The following RIPOR2 variants were observed in gnomAD, a reference collection of about 807,000 sequenced individuals.
RIPOR2 encodes the protein rho family-interacting cell polarization regulator 2.
In RIPOR2, 39 loss-of-function variants were observed where a neutral mutation model predicts 114.5. That is an observed-to-expected ratio of 0.34 (90% confidence interval 0.26 to 0.44). RIPOR2 has a LOEUF of 0.44. RIPOR2 is among the 20% of genes least tolerant of loss of function. RIPOR2 has a pLI of 1.00. For missense variants in RIPOR2, 1,007 were observed against 1,255.1 expected, an observed-to-expected ratio of 0.80 and a Z score of 2.99; for synonymous variants, 445 against 484.4, an observed-to-expected ratio of 0.92 and a Z score of 1.07.
chr6:24,833,322 G>A lies in RIPOR2; in HGVS notation c.2209-931C>T, dbSNP rs140400136. 4.1e-4 allele frequency among the ~76,000 whole-genome samples: 63 copies of A among 152,084 alleles called. 1 individual carries two copies. In the East Asian group the frequency reaches 0.01, roughly 25 times the overall value. On this transcript the variant is annotated intron_variant, in intron 15 of 21. Transcript: ENST00000643898. ...TTGAGACCATCCTGGCCAACATGAC[G>A]AAACCCCATCTCTACTAAATATACA...
Position 24,980,001 on chromosome 6 carries a change from C to T in RIPOR2, c.76+61850G>A, listed in dbSNP as rs369721539. Among the ~76,000 whole-genome samples, 40 of 152,218 alleles carry T rather than the reference C, an allele frequency of 2.6e-4. No individual in the cohort carries two copies. The East Asian group carries it at 6.9e-3, about 26-fold the overall frequency. On this transcript the variant is annotated intron_variant, in intron 1 of 13. Coordinates refer to the RIPOR2 transcript ENST00000510784. The stretch of plus-strand genomic sequence containing the variant: ...ATGTTTTTGACCACTAAATATAACA[C>T]CGTAGGAAAGGAAGCAAGTGGAAAA...
chr6:24,869,441 C>T (rs576680350), intron 5 of RIPOR2, among the ~76,000 whole-genome samples: 5 of 151,910 alleles, frequency 3.3e-5, no homozygotes, highest in Admixed American at 1.3e-4. Flanking sequence ...CCTCAGCCTC[C>T]CAAGTAGCTG....
intron 1 of RIPOR2, among the ~76,000 whole-genome samples, chr6:24,976,170 A>G (rs541303174): frequency 3.3e-5 from 5 of 152,204 alleles, no homozygotes; most frequent in Non-Finnish European, 7.3e-5. Context: ...AGAAAATAAC[A>G]AGGAAAAAGA....
intron 1 of RIPOR2, among the ~76,000 whole-genome samples, chr6:24,921,270 C>T (rs1770457126): frequency 1.3e-5 from 2 of 151,918 alleles, no homozygotes; most frequent in African/African-American, 4.8e-5. Flanking sequence ...ACAAGCAGTT[C>T]TCCTGTCTCA....
chr6:24,922,912 T>C (rs1451232700), intron 1 of RIPOR2, among the ~76,000 whole-genome samples: 2 of 146,898 alleles, frequency 1.4e-5, no homozygotes, highest in African/African-American at 2.5e-5. Flanking sequence ...AAATGTACCA[T>C]CTCAACTGTT....
chr6:24,884,324 G>C lies in RIPOR2; in HGVS notation c.62-8507C>G, dbSNP rs549473097. Among the ~76,000 whole-genome samples the C allele has an allele frequency of 8.5e-5, 13 of 152,314 alleles. No individual in the cohort carries two copies. The South Asian group carries it at 2.7e-3, about 32-fold the overall frequency. ...CTCGGGAGGCTGAGGCAGGAGAATG[G>C]CGTGAATCCGGGAGGTGGGGGTTGC... On this transcript the variant is annotated intron_variant, in intron 1 of 21. Coordinates refer to ENST00000643898, the MANE Select transcript of RIPOR2 (RefSeq NM_001286445.3).
rs149101817 is a variant in RIPOR2 at position 25,033,296 on chromosome 6, A to G, written c.76+8555T>C. ...ACTTAATGGGCTATAATCTATTAAC[A>G]TCATTGTTTATTTGATGCTCACAGT... On this transcript the variant is annotated intron_variant, in intron 1 of 13. Transcript: ENST00000510784. Among the ~76,000 whole-genome samples the G allele has an allele frequency of 9.8e-5, 15 of 152,336 alleles. No individual in the cohort carries two copies. In the Middle Eastern group the frequency reaches 0.014, roughly 138 times the overall value.
intron 1 of RIPOR2, among the ~76,000 whole-genome samples, chr6:25,038,896 A>G (rs1777359636): frequency 6.6e-6 from 1 of 152,258 alleles, no homozygotes; most frequent in Admixed American, 6.5e-5. Context: ...AAGGCACTAT[A>G]TTAGAAAGGA....
chr6:25,027,657 G>A (rs1329154746), intron 1 of RIPOR2, among the ~76,000 whole-genome samples: 1 of 152,226 alleles, frequency 6.6e-6, no homozygotes, highest in Non-Finnish European at 1.5e-5. Flanking sequence ...GTGCTGGGGA[G>A]AAAGAGGGCC....
At chr6:24,846,499 T>A (rs1239862171) in intron 12 of RIPOR2, among the ~76,000 whole-genome samples, 1 of 151,920 alleles carries the variant, frequency 6.6e-6, no homozygotes, top group African/African-American at 2.4e-5. Flanking sequence ...AGAGACGGGG[T>A]CTCACTTTGT....
At chr6:24,995,719 A>G (rs984084761) in intron 1 of RIPOR2, among the ~76,000 whole-genome samples, 5 of 151,982 alleles carry the variant, frequency 3.3e-5, no homozygotes, top group Non-Finnish European at 5.9e-5. Context: ...TCCCCAAGGG[A>G]TATTTTATAT....
intron 5 of RIPOR2, among the ~76,000 whole-genome samples, chr6:24,869,873 C>T (rs963519785): frequency 6.6e-6 from 1 of 152,326 alleles, no homozygotes; most frequent in East Asian, 1.9e-4. Flanking sequence ...TACCGGCAGA[C>T]AGCTGCCTGT....
At chr6:25,042,058 T>TAA (rs35331447), upstream of RIPOR2, 1,663 of 441,308 alleles carry the variant, frequency 3.8e-3, 7 homozygotes, top group South Asian at 0.013. Flanking sequence ...GTTCTTTTCT[T>TAA]AAAAAAAAAA....
chr6:24,880,686 A>G (rs1766257096), intron 1 of RIPOR2, among the ~76,000 whole-genome samples: 1 of 152,178 alleles, frequency 6.6e-6, no homozygotes, highest in African/African-American at 2.4e-5. Flanking sequence ...TGCAGAGGAG[A>G]AATATGATTG....
intron 1 of RIPOR2, among the ~76,000 whole-genome samples, chr6:24,978,602 T>G (rs1212414537): frequency 6.6e-6 from 1 of 152,152 alleles, no homozygotes; most frequent in East Asian, 1.9e-4. Flanking sequence ...TAGGGTTAAG[T>G]TTGATCCTTT....
chr6:24,957,850 G>T (rs1333336001), intron 1 of RIPOR2, among the ~76,000 whole-genome samples: 1 of 152,142 alleles, frequency 6.6e-6, no homozygotes, highest in African/African-American at 2.4e-5. Context: ...ACTCCAGCCT[G>T]GGCGACAGAG....
At chr6:24,864,551 C>T (rs920918601) in intron 7 of RIPOR2, among the ~76,000 whole-genome samples, 1 of 152,136 alleles carries the variant, frequency 6.6e-6, no homozygotes, top group Non-Finnish European at 1.5e-5. Context: ...AGGCTGATGA[C>T]TTCATTCATG....
At chr6:25,034,216 T>C (rs1041893136) in intron 1 of RIPOR2, among the ~76,000 whole-genome samples, 2 of 147,030 alleles carry the variant, frequency 1.4e-5, no homozygotes, top group Non-Finnish European at 3.0e-5. Flanking sequence ...TTGATTTTTA[T>C]ACAACATGCG....
At chr6:24,999,656 C>T (rs765293504) in intron 1 of RIPOR2, among the ~76,000 whole-genome samples, 4 of 151,456 alleles carry the variant, frequency 2.6e-5, no homozygotes, top group African/African-American at 4.9e-5. Context: ...CCCGGGTTCA[C>T]GCCATTCTCC....
Sources: gnomAD v4.1 joint callset for allele counts (sites outside exome capture counted in the v4.1 genomes callset) on GRCh38, gnomAD v4.1.1 for gene constraint, MANE v1.5 for transcripts, NCBI Gene and HGNC (gene_info 2026-07-23, HGNC 2026-07-21) for gene names.